Variants in CPLX1 observed in about 807,000 individuals in gnomAD.
The protein encoded by CPLX1 is complexin-1.
In CPLX1, 6 loss-of-function variants were observed where a neutral mutation model predicts 15.6. The ratio of observed to expected loss-of-function variants is 0.39; its 90% CI spans 0.21 to 0.76. The LOEUF (loss-of-function observed/expected upper bound fraction) is 0.76. Ranked by LOEUF, CPLX1 falls within the 30% of genes least tolerant of loss-of-function variation. The pLI is 0.43. For synonymous variants in CPLX1, 91 were observed against 75.2 expected (o/e 1.21, Z -1.08); for missense variants, 242 against 188.6 (o/e 1.28, Z -1.66).
At chr4:792,785 C>T in intron 2 of CPLX1, 177 bp from the exon 3 acceptor site, 1 of 649,542 alleles carries the variant, frequency 1.5e-6, no homozygotes, top group Non-Finnish European at 2.6e-6. Flanking sequence ...CCCTGACCCT[C>T]CTGCCCGGGA....
intron 2 of CPLX1, among the ~76,000 whole-genome samples, chr4:800,061 G>A (rs575002521): frequency 6.6e-5 from 10 of 152,212 alleles, no homozygotes; most frequent in Admixed American, 2.6e-4. Flanking sequence ...AGCCCTCAAC[G>A]TGGGGTTTCT....
chr4:816,637 G>A (rs1746761163), intron 2 of CPLX1, among the ~76,000 whole-genome samples: 1 of 152,084 alleles, frequency 6.6e-6, no homozygotes, highest in African/African-American at 2.4e-5. Context: ...CCTAGCCTGG[G>A]AAACATGGTG....
intron 2 of CPLX1, among the ~76,000 whole-genome samples, chr4:806,685 A>G (rs1243285520): frequency 6.6e-6 from 1 of 152,198 alleles, no homozygotes; most frequent in Non-Finnish European, 1.5e-5. Flanking sequence ...AGGAACCCAA[A>G]CGAAAGACAT....
intron 2 of CPLX1, among the ~76,000 whole-genome samples, chr4:816,938 A>T (rs921200736): frequency 7.2e-5 from 11 of 152,202 alleles, no homozygotes; most frequent in African/African-American, 2.4e-4. Flanking sequence ...AACTCTGGCA[A>T]GTAGAGCTTA....
chr4:789,394 G>C (rs1441913647), intron 3 of CPLX1, among the ~76,000 whole-genome samples: 2 of 152,134 alleles, frequency 1.3e-5, no homozygotes, highest in Non-Finnish European at 2.9e-5. Flanking sequence ...GTATTCGTGA[G>C]AAAAAAGGGC....
Position 792,562 on chromosome 4 carries a change from C to G in CPLX1, c.78G>C (p.Lys26Asn), listed in dbSNP as rs1036759703. The G allele has an allele frequency of 2.5e-6, 4 of 1,613,384 alleles. No homozygotes were observed. Among genetic ancestry groups the G allele is most frequent in the Non-Finnish European group, 3.4e-6 (4 of 1,179,730 alleles). The part of the protein sequence containing the change: ...MGKMLGGDEE[K>N]DPDAAKKEEE... ...CCTCCTTCTTGGCGGCGTCTGGGTC[C>G]TTCTCCTCGTCACCCCCCAGCATCT... Residue 26 changes from lysine to asparagine, a missense_variant, in exon 3 of 4, where the codon AAG becomes AAC. Coordinates refer to ENST00000304062, the MANE Select transcript of CPLX1 (RefSeq NM_006651.4).
chr4:809,603 G>A (rs1016051541), intron 2 of CPLX1, among the ~76,000 whole-genome samples: 7 of 152,222 alleles, frequency 4.6e-5, no homozygotes, highest in Non-Finnish European at 4.4e-5. Flanking sequence ...GGCGTCCTCC[G>A]TAACTCTCAG....
At chr4:820,531 A>C (rs950670958) in intron 2 of CPLX1, among the ~76,000 whole-genome samples, 3 of 152,168 alleles carry the variant, frequency 2.0e-5, no homozygotes, top group African/African-American at 7.2e-5. Context: ...AGTTGCCTCC[A>C]TGGCCCTGCC....
chr4:792,356 CT>C lies in CPLX1; in HGVS notation c.207+76del. 3 of 1,366,582 alleles carry C rather than the reference CT, an allele frequency of 2.2e-6. No individual in the cohort carries two copies. In the South Asian group the frequency reaches 4.6e-5, roughly 21 times the overall value. 84.7% of individuals were successfully genotyped at this position (1,366,582 alleles called of 1,614,324 possible). ...CGCCCGCCCCTCTTCCGGGCAGCCC[CT>C]TCCACCCAGGCGGGATCTGGGTCCC... On this transcript the variant is annotated intron_variant, in intron 3 of 3. Transcript: ENST00000304062.
intron 2 of CPLX1, among the ~76,000 whole-genome samples, chr4:821,760 G>A (rs193283273): frequency 3.3e-5 from 5 of 152,150 alleles, no homozygotes; most frequent in African/African-American, 9.7e-5. Context: ...CGATCACCCC[G>A]GCAGCCACCA....
intron 2 of CPLX1, among the ~76,000 whole-genome samples, chr4:815,500 C>T (rs1746735667): frequency 6.6e-6 from 1 of 151,508 alleles, no homozygotes; most frequent in East Asian, 1.9e-4. Context: ...CAGCGCTAAG[C>T]AGTATTTACA....
At chr4:825,455 C>T (rs930033024) in intron 1 of CPLX1, among the ~76,000 whole-genome samples, 2 of 151,962 alleles carry the variant, frequency 1.3e-5, no homozygotes, top group East Asian at 2.0e-4. Flanking sequence ...GCCGATTCTC[C>T]TCCAAACTTC....
In CPLX1 at chr4:786,409, G is replaced by A; in HGVS notation, c.*92C>T. ...TGGGGCTATGGCTTATATCGGCGTG[G>A]GGGCTGCGCTCTGCTCGTCCCTCAG... On this transcript the variant is annotated 3_prime_UTR_variant, in exon 4 of 4. Transcript: ENST00000304062. 3 of 1,379,806 alleles carry A rather than the reference G, an allele frequency of 2.2e-6. No homozygotes were observed. The highest frequency in any genetic ancestry group is 2.7e-4 in the Middle Eastern group (1 of 3,754). The allele number at this position is 1,379,806 out of a possible 1,614,324, so 85.5% of individuals were successfully genotyped here. A position where few individuals can be genotyped will look rare whatever the true frequency, so the allele number is the denominator to read the frequency against.
chr4:806,794 G>C (rs1746562841), intron 2 of CPLX1, among the ~76,000 whole-genome samples: 1 of 152,230 alleles, frequency 6.6e-6, no homozygotes, highest in African/African-American at 2.4e-5. Flanking sequence ...ATACCAGTCA[G>C]TATGGTGATT....
At chr4:808,157 T>C (rs1294752128) in intron 2 of CPLX1, among the ~76,000 whole-genome samples, 1 of 152,106 alleles carries the variant, frequency 6.6e-6, no homozygotes, top group Non-Finnish European at 1.5e-5. Flanking sequence ...TTGTCTCAGC[T>C]ACCTGGGAGG....
chr4:824,833 AG>A, intron 1 of CPLX1: 1 of 594,366 alleles, frequency 1.7e-6, no homozygotes, highest in Admixed American at 2.2e-5. Flanking sequence ...CTCTGCAGGG[AG>A]GGCTGCTGAT....
At chr4:788,623 G>C (rs1468809246) in intron 3 of CPLX1, 1 of 983,444 alleles carries the variant, frequency 1.0e-6, no homozygotes, top group Non-Finnish European at 1.2e-6. Context: ...AGAGCAGATT[G>C]GTTCTCGTCC....
intron 2 of CPLX1, among the ~76,000 whole-genome samples, chr4:800,823 A>ATG (rs1191592340): frequency 6.7e-6 from 1 of 148,636 alleles, no homozygotes; most frequent in Admixed American, 6.8e-5. Flanking sequence ...ATATATAAAT[A>ATG]TATGTGTGTG....
At chr4:795,273 G>A (rs1339184174) in intron 2 of CPLX1, among the ~76,000 whole-genome samples, 1 of 152,268 alleles carries the variant, frequency 6.6e-6, no homozygotes, top group Non-Finnish European at 1.5e-5. Flanking sequence ...TTGCTCTCCC[G>A]GCACAGACGC....
Sources: allele counts gnomAD v4.1 joint callset (sites outside exome capture counted in the v4.1 genomes callset), GRCh38; gene constraint gnomAD v4.1.1; transcripts MANE v1.5; gene names NCBI Gene and HGNC (gene_info 2026-07-23, HGNC 2026-07-21).